Variants in PKHD1 observed in about 807,000 individuals in gnomAD.
PKHD1 encodes PKHD1 ciliary IPT domain containing fibrocystin/polyductin.
In PKHD1, 291 loss-of-function variants were observed where a neutral mutation model predicts 412.0. That is an observed-to-expected ratio of 0.71 (90% CI 0.64 to 0.78). The LOEUF (loss-of-function observed/expected upper bound fraction) is 0.78. PKHD1 is among the 30% of genes least tolerant of loss of function. PKHD1 has a pLI of 0.00. For synonymous variants in PKHD1, 1,777 were observed against 1,821.5 expected, an observed-to-expected ratio of 0.98 and a Z score of 0.62; for missense variants, 4,825 against 4,950.7, an observed-to-expected ratio of 0.97 and a Z score of 0.76.
intron 60 of PKHD1, among the ~76,000 whole-genome samples, chr6:51,711,330 A>C (rs1780637427): frequency 6.6e-6 from 1 of 152,168 alleles, no homozygotes; most frequent in South Asian, 2.1e-4. Context: ...ACCATCTCCC[A>C]AATAAATAAC....
chr6:51,746,767 T>G lies in PKHD1; in HGVS notation c.9952A>C (p.Lys3318Gln). Residue 3318 changes from lysine to glutamine, a missense_variant, in exon 59 of 67, where the codon AAG (lysine) becomes CAG (glutamine). Coordinates refer to ENST00000371117, the MANE Select transcript of PKHD1 (RefSeq NM_138694.4). ...TAGAACTTGTTTTTATCTTTTATCT[T>G]TAGCATCCTGGTCCTCTCTGCTGTT... ...PITAERTRML[K>Q]IKDKNKFYFP... The G allele has an allele frequency of 6.2e-7, 1 of 1,611,492 alleles. No homozygotes were observed. Among genetic ancestry groups the G allele is most frequent in the African/African-American group, 1.3e-5 (1 of 75,008 alleles).
chr6:51,903,876 T>C (rs1781677157), intron 42 of PKHD1, 110 bp downstream of exon 42: 8 of 570,776 alleles, frequency 1.4e-5, no homozygotes, highest in Non-Finnish European at 2.4e-5. Context: ...AAATATTTAG[T>C]ATGCACAATA....
chr6:51,814,379 A>C (rs1765136514), intron 52 of PKHD1, among the ~76,000 whole-genome samples: 1 of 152,202 alleles, frequency 6.6e-6, no homozygotes, highest in South Asian at 2.1e-4. Context: ...CCAATGTCAT[A>C]GCTCTAAGCC....
chr6:52,014,247 G>T (rs1030980675), intron 34 of PKHD1, among the ~76,000 whole-genome samples: 3 of 152,142 alleles, frequency 2.0e-5, no homozygotes, highest in African/African-American at 7.2e-5. Flanking sequence ...AAAGACACCT[G>T]CTTCTCTTCG....
chr6:51,846,645 C>T (rs928978238), intron 50 of PKHD1, among the ~76,000 whole-genome samples: 2 of 152,096 alleles, frequency 1.3e-5, no homozygotes, highest in Non-Finnish European at 2.9e-5. Flanking sequence ...ACACTGGTAT[C>T]CTGAGAAACA....
At chr6:52,058,712 C>A in intron 15 of PKHD1, 111 bp from the exon 16 acceptor site, 1 of 1,117,398 alleles carries the variant, frequency 8.9e-7, no homozygotes, top group Middle Eastern at 2.0e-4. Context: ...AACTGGTCTG[C>A]CTTTTTAACA....
intron 52 of PKHD1, among the ~76,000 whole-genome samples, chr6:51,824,676 T>G (rs1292203837): frequency 6.6e-6 from 1 of 152,158 alleles, no homozygotes; most frequent in Non-Finnish European, 1.5e-5. Flanking sequence ...CTAAAGAAGG[T>G]CAAAGGAAAG....
At chr6:52,056,438 A>G (rs998476675) in intron 18 of PKHD1, among the ~76,000 whole-genome samples, 1 of 152,030 alleles carries the variant, frequency 6.6e-6, no homozygotes, top group Non-Finnish European at 1.5e-5. Flanking sequence ...ACCGTGTGGC[A>G]TGGGGAGTAT....
intron 56 of PKHD1, 73 bp from the exon 57 acceptor site, chr6:51,753,426 CA>C: frequency 8.1e-7 from 1 of 1,233,850 alleles, no homozygotes; most frequent in Non-Finnish European, 1.2e-6. Context: ...GGGGACCCAG[CA>C]AACCTGAGAA....
intron 37 of PKHD1, among the ~76,000 whole-genome samples, chr6:51,921,531 T>C (rs2127712966): frequency 6.6e-6 from 1 of 152,358 alleles, no homozygotes. Flanking sequence ...TTTTCCAACT[T>C]GGTTCCCTTC....
At chr6:51,957,732 G>T (rs939841568) in intron 36 of PKHD1, among the ~76,000 whole-genome samples, 14 of 152,026 alleles carry the variant, frequency 9.2e-5, no homozygotes, top group African/African-American at 2.7e-4. Context: ...CTCAAACTTT[G>T]ATTTGTGTAT....
intron 35 of PKHD1, among the ~76,000 whole-genome samples, chr6:51,973,190 T>G (rs1214112168): frequency 6.6e-6 from 1 of 152,204 alleles, no homozygotes; most frequent in Non-Finnish European, 1.5e-5. Context: ...TGTGTCTGAT[T>G]TATTGCTTTC....
At chr6:51,713,097 C>G (rs1203442255) in intron 60 of PKHD1, among the ~76,000 whole-genome samples, 1 of 152,126 alleles carries the variant, frequency 6.6e-6, no homozygotes, top group Non-Finnish European at 1.5e-5. Flanking sequence ...ATTAATATAT[C>G]ATTAATAATG....
chr6:51,651,096 A>G (rs1171887147), intron 61 of PKHD1, among the ~76,000 whole-genome samples: 1 of 152,176 alleles, frequency 6.6e-6, no homozygotes, highest in Non-Finnish European at 1.5e-5. Context: ...TGACGTCTTG[A>G]GACGAAGAGA....
intron 48 of PKHD1, among the ~76,000 whole-genome samples, chr6:51,866,725 T>C (rs188356519): frequency 3.6e-3 from 542 of 152,248 alleles, no homozygotes; most frequent in Middle Eastern, 0.01. Context: ...ATCACTAATT[T>C]TTATAACTCT....
chr6:52,033,804 T>G (rs1803462949), intron 28 of PKHD1, among the ~76,000 whole-genome samples: 1 of 152,090 alleles, frequency 6.6e-6, no homozygotes, highest in Non-Finnish European at 1.5e-5. Context: ...CGATGGAACT[T>G]TTTTTAAAAG....
At chr6:51,796,442 C>T (rs9382028) in intron 52 of PKHD1, among the ~76,000 whole-genome samples, 32 of 96,506 alleles carry the variant, frequency 3.3e-4, no homozygotes, top group African/African-American at 8.0e-4. Context: ...GTTTTTTTTT[C>T]AAAAAAATCC....
chr6:52,017,907 C>G (rs1412610578), intron 33 of PKHD1, among the ~76,000 whole-genome samples: 2 of 152,206 alleles, frequency 1.3e-5, no homozygotes, highest in African/African-American at 4.8e-5. Flanking sequence ...CTGTGTGTTT[C>G]TCCCCAAGTT....
intron 43 of PKHD1, among the ~76,000 whole-genome samples, chr6:51,890,010 G>C (rs1778862286): frequency 6.6e-6 from 1 of 151,944 alleles, no homozygotes; most frequent in African/African-American, 2.4e-5. Context: ...TTTTCCCTTA[G>C]AAGTATTTTT....
Sources: gnomAD v4.1 joint callset for allele counts (sites outside exome capture counted in the v4.1 genomes callset) on GRCh38, gnomAD v4.1.1 for gene constraint, MANE v1.5 for transcripts, NCBI Gene and HGNC (gene_info 2026-07-23, HGNC 2026-07-21) for gene names.